IMPG1: variants seen among roughly 807,000 people sequenced by gnomAD.
IMPG1 encodes the protein interphotoreceptor matrix proteoglycan of 150 kDa.
IMPG1 carries 85 observed loss-of-function variants against 92.0 expected under a neutral mutation model. The observed-to-expected ratio is 0.92, with a 90% confidence interval of 0.78 to 1.11. The LOEUF (loss-of-function observed/expected upper bound fraction) is 1.11. Among genes scored for constraint, IMPG1 ranks in the 50% least tolerant of loss-of-function variants. IMPG1 has a pLI of 0.00. For synonymous variants in IMPG1, 367 were observed against 334.1 expected (o/e 1.10, Z -1.08); for missense variants, 1,022 against 956.0 (o/e 1.07, Z -0.91).
rs1446630795 is a variant in IMPG1, at chr6:76,003,956, G to C, written c.1136-6C>G. 2.5e-6 allele frequency: 4 copies of C among 1,605,950 alleles called. No individual in the cohort carries two copies. Among genetic ancestry groups the C allele is most frequent in the Non-Finnish European group, 3.4e-6 (4 of 1,175,022 alleles). On this transcript the variant is annotated splice_polypyrimidine_tract_variant and splice_region_variant and intron_variant, in intron 10 of 16. Transcript: ENST00000369950. ...TGGCAGTGATCCAGCAATTTCTATG[G>C]GTAAAAAATCACAAGATTTGAATGT...
chr6:76,062,892 G>A (rs1347592321), intron 1 of IMPG1, among the ~76,000 whole-genome samples: 5 of 150,818 alleles, frequency 3.3e-5, no homozygotes, highest in Non-Finnish European at 4.4e-5. Flanking sequence ...TGGCTAACTG[G>A]AGAGAATGGA....
intron 1 of IMPG1, among the ~76,000 whole-genome samples, chr6:76,045,120 T>G (rs894773543): frequency 5.9e-5 from 9 of 152,206 alleles, no homozygotes; most frequent in Non-Finnish European, 1.0e-4. Flanking sequence ...ATAGCTGTTA[T>G]TCTTTCATTC....
chr6:76,063,315 A>G (rs1784241619), intron 1 of IMPG1, among the ~76,000 whole-genome samples: 1 of 152,186 alleles, frequency 6.6e-6, no homozygotes, highest in Non-Finnish European at 1.5e-5. Flanking sequence ...CAGAATTTCA[A>G]GAGGAAAGTG....
intron 12 of IMPG1, among the ~76,000 whole-genome samples, chr6:75,967,004 C>A (rs1370553865): frequency 2.0e-5 from 3 of 152,074 alleles, no homozygotes; most frequent in East Asian, 3.9e-4. Flanking sequence ...ATGGCGAAAA[C>A]CCATCTCTAC....
intron 15 of IMPG1, 118 bp downstream of exon 15, chr6:75,930,835 T>A: frequency 1.1e-6 from 1 of 913,436 alleles, no homozygotes; most frequent in Non-Finnish European, 1.7e-6. Context: ...ATTTCTACAC[T>A]CACTAAAGTT....
At chr6:75,983,724 A>G (rs145263251) in intron 12 of IMPG1, among the ~76,000 whole-genome samples, 1 of 152,330 alleles carries the variant, frequency 6.6e-6, no homozygotes, top group East Asian at 1.9e-4. Context: ...AAAATAGACA[A>G]ACAGGATTAC....
chr6:76,015,362 T>A (rs763595098), intron 7 of IMPG1, among the ~76,000 whole-genome samples: 1 of 152,076 alleles, frequency 6.6e-6, no homozygotes, highest in Non-Finnish European at 1.5e-5. Context: ...AGGGAACAGA[T>A]GTTGTAAGCA....
In IMPG1 at chr6:76,034,709, A is replaced by G; in HGVS notation, c.380T>C (p.Val127Ala). The change falls in exon 3 of 17, where the codon GTC (valine) becomes GCC (alanine). Residue 127 changes from valine (V) to alanine (A), a missense_variant. By Grantham distance (64) the Val-to-Ala change is moderately conservative (BLOSUM62 0). Coordinates refer to ENST00000369950, the MANE Select transcript of IMPG1 (RefSeq NM_001563.4). ...IPDTGEYQDW[V>A]SICQQETFCL... ...GAAGGTCTCCTGCTGGCAGATGCTG[A>G]CCCAGTCCTGATATTCCCCTGTGTC... 1 of 1,614,056 alleles carries G rather than the reference A, an allele frequency of 6.2e-7. No homozygotes were observed. The highest frequency in any genetic ancestry group is 8.5e-7 in the Non-Finnish European group (1 of 1,179,980).
chr6:75,997,349 C>G (rs1033586558), intron 12 of IMPG1, among the ~76,000 whole-genome samples: 4 of 152,194 alleles, frequency 2.6e-5, no homozygotes, highest in African/African-American at 9.7e-5. Flanking sequence ...AAAACTCTTT[C>G]AAGTCTTACT....
chr6:75,927,619 A>G (rs995203431), intron 15 of IMPG1, among the ~76,000 whole-genome samples: 5 of 152,052 alleles, frequency 3.3e-5, no homozygotes, highest in African/African-American at 9.7e-5. Context: ...AGGGGTTAAT[A>G]CTTAACATTT....
At chr6:76,003,725 A>G in intron 11 of IMPG1, 149 bp downstream of exon 11, 1 of 614,338 alleles carries the variant, frequency 1.6e-6, no homozygotes. Context: ...AAGTGGGTTA[A>G]GCAAGTGCTG....
intron 13 of IMPG1, among the ~76,000 whole-genome samples, chr6:75,949,715 C>T (rs1781991551): frequency 6.6e-6 from 1 of 152,150 alleles, no homozygotes; most frequent in African/African-American, 2.4e-5. Flanking sequence ...CTCCCAATAT[C>T]TACTCACCTC....
intron 4 of IMPG1, 91 bp downstream of exon 4, chr6:76,034,224 T>C: frequency 8.3e-7 from 1 of 1,209,386 alleles, no homozygotes; most frequent in South Asian, 1.3e-5. Flanking sequence ...TGACATAAAA[T>C]CCTACAGGTA....
In IMPG1 at chr6:76,068,510, CT is replaced by C. The variant is rs1160277573; in HGVS notation, c.67+3911del. ...AATCAATATTTTTAAAATGTCCATA[CT>C]TTTTTTTTTTTTTTTTTTTTGGAGA... On this transcript the variant is annotated intron_variant, in intron 1 of 16. Transcript: ENST00000369950. Among the ~76,000 whole-genome samples the C allele has an allele frequency of 4.1e-3, 448 of 110,174 alleles. 1 individual carries two copies. Among genetic ancestry groups the C allele is most frequent in the African/African-American group, 0.012 (326 of 28,320 alleles). 72.3% of individuals were successfully genotyped at this position (110,174 alleles called of 152,430 possible).
At chr6:76,016,888 G>T (rs1024078859) in intron 7 of IMPG1, among the ~76,000 whole-genome samples, 1 of 152,188 alleles carries the variant, frequency 6.6e-6, no homozygotes, top group Non-Finnish European at 1.5e-5. Flanking sequence ...TAGCCTGGTG[G>T]TGATGAGTGG....
At chr6:76,032,037 T>C (rs972368781) in intron 4 of IMPG1, among the ~76,000 whole-genome samples, 7 of 152,252 alleles carry the variant, frequency 4.6e-5, no homozygotes, top group African/African-American at 1.4e-4. Flanking sequence ...TTGTTTTGTC[T>C]TCTTGGAAAG....
intron 12 of IMPG1, among the ~76,000 whole-genome samples, chr6:75,955,450 T>G (rs1782103139): frequency 6.6e-6 from 1 of 152,244 alleles, no homozygotes; most frequent in Non-Finnish European, 1.5e-5. Context: ...TTGTGATTTT[T>G]GCACATTGAT....
intron 4 of IMPG1, 72 bp downstream of exon 4, chr6:76,034,239 AGCTT>A: frequency 2.2e-6 from 3 of 1,356,806 alleles, no homozygotes; most frequent in Non-Finnish European, 2.1e-6. Context: ...CAGGTAGAAT[AGCTT>A]AGTTTCACTC....
chr6:76,050,138 T>C (rs897363816), intron 1 of IMPG1, among the ~76,000 whole-genome samples: 1 of 152,108 alleles, frequency 6.6e-6, no homozygotes, highest in Non-Finnish European at 1.5e-5. Context: ...TCTTCGTTTA[T>C]AGTTTAAAAA....
Sources: allele counts gnomAD v4.1 joint callset (sites outside exome capture counted in the v4.1 genomes callset), GRCh38; gene constraint gnomAD v4.1.1; transcripts MANE v1.5; gene names NCBI Gene and HGNC (gene_info 2026-07-23, HGNC 2026-07-21).